Variants in CEBPZ observed in about 807,000 individuals in gnomAD.
CEBPZ encodes the protein CCAAT/enhancer-binding protein zeta.
CEBPZ carries 78 observed loss-of-function variants against 104.5 expected under a neutral mutation model. The observed-to-expected ratio is 0.75, with a 90% CI of 0.62 to 0.90. The LOEUF is 0.90. CEBPZ is among the 40% of genes least tolerant of loss of function. The pLI is 0.00. For synonymous variants in CEBPZ, 470 were observed against 427.0 expected (o/e 1.10, Z -1.24); for missense variants, 1,439 against 1,233.5 (o/e 1.17, Z -2.50).
At chr2:37,224,516 T>C (rs1664840087) in intron 2 of CEBPZ, among the ~76,000 whole-genome samples, 1 of 152,128 alleles carries the variant, frequency 6.6e-6, no homozygotes, top group Non-Finnish European at 1.5e-5. Flanking sequence ...CTTTTGGTAA[T>C]ATTCTGGGAT....
intron 13 of CEBPZ, among the ~76,000 whole-genome samples, chr2:37,208,635 C>T (rs1005774574): frequency 1.3e-5 from 2 of 152,092 alleles, no homozygotes; most frequent in African/African-American, 2.4e-5. Flanking sequence ...ATACAAGGGA[C>T]GTACCTTAAA....
intron 13 of CEBPZ, chr2:37,203,260 T>C (rs1677368751): frequency 3.6e-6 from 1 of 274,422 alleles, no homozygotes; most frequent in East Asian, 6.4e-5. Context: ...ATTTGGCCAC[T>C]GATCGAAGTT....
chr2:37,228,044 A>T lies in CEBPZ; in HGVS notation c.1149T>A (p.Leu383=). 5 of 1,614,184 alleles carry T rather than the reference A, an allele frequency of 3.1e-6. No individual in the cohort carries two copies. The highest frequency in any genetic ancestry group is 4.2e-6 in the Non-Finnish European group (5 of 1,180,014). The part of the protein sequence containing the change: ...LCNKPEEEKA[L]LVQVVNKLGD... ...CCAGTTTATTTACCACTTGCACAAG[A>T]AGAGCCTTTTCTTCCTCAGGCTTGT... is the stretch of plus-strand genomic sequence containing the variant. The change falls in exon 2 of 16, where the codon CTT becomes CTA. Residue 383 remains leucine (L), a synonymous_variant. Transcript: ENST00000234170.
chr2:37,216,889 T>C, intron 6 of CEBPZ, 95 bp downstream of exon 6: 1 of 1,007,588 alleles, frequency 9.9e-7, no homozygotes, highest in South Asian at 1.4e-5. Context: ...TACAAGATTC[T>C]CTCTGTTAGA....
intron 5 of CEBPZ, among the ~76,000 whole-genome samples, chr2:37,217,880 C>T (rs1664664106): frequency 7.5e-6 from 1 of 133,992 alleles, no homozygotes; most frequent in Non-Finnish European, 1.5e-5. Context: ...CTGGCCTAGG[C>T]AACAGAGCAA....
rs780913391 is a variant in CEBPZ, at chr2:37,220,387, T to G, written c.2152A>C (p.Lys718Gln). 5 of 1,519,910 alleles carry G rather than the reference T, an allele frequency of 3.3e-6. No individual in the cohort carries two copies. Among genetic ancestry groups the G allele is most frequent in the Non-Finnish European group, 3.6e-6 (4 of 1,109,188 alleles). The allele number at this position is 1,519,910 out of a possible 1,614,324, so 94.2% of individuals were successfully genotyped here. Residue 718 changes from lysine to glutamine, a missense_variant and splice_region_variant, in exon 5 of 16, where the codon AAG (lysine) becomes CAG (glutamine). Coordinates refer to ENST00000234170, the MANE Select transcript of CEBPZ (RefSeq NM_005760.3). ...AAGACAATTTGAAATTATTTTACCTTTTTGAGTTCCCAAAGACTTGTATTT... is the reference window on the plus strand; with the variant it reads ...AAGACAATTTGAAATTATTTTACCTGTTTGAGTTCCCAAAGACTTGTATTT... ...AENTSLWELKKLSVHFHPSVA... is the reference protein window; with the variant it reads ...AENTSLWELKQLSVHFHPSVA...
chr2:37,231,509 T>C lies in CEBPZ; in HGVS notation c.59A>G (p.Glu20Gly). Residue 20 changes from glutamate to glycine, a missense_variant, in exon 1 of 16, where the codon GAG (glutamate) becomes GGG (glycine). By Grantham distance (98) the Glu-to-Gly change is moderately conservative. Coordinates refer to ENST00000234170, the MANE Select transcript of CEBPZ (RefSeq NM_005760.3). ...CTCCTCGTCCGGATCTTCTACTGCCTCCTCGGGGCGCCAAGGCCGCTTGGC... is the reference window on the plus strand; with the variant it reads ...CTCCTCGTCCGGATCTTCTACTGCCCCCTCGGGGCGCCAAGGCCGCTTGGC... The part of the protein sequence containing the change: ...FHAKRPWRPE[E>G]AVEDPDEEDE... 2 of 1,614,200 alleles carry C rather than the reference T, an allele frequency of 1.2e-6. No individual in the cohort carries two copies. Among genetic ancestry groups the C allele is most frequent in the Non-Finnish European group, 1.7e-6 (2 of 1,180,034 alleles).
intron 13 of CEBPZ, 27 bp downstream of exon 13, chr2:37,210,972 T>G: frequency 6.5e-7 from 1 of 1,534,806 alleles, no homozygotes; most frequent in Non-Finnish European, 8.9e-7. Context: ...ACACTGCTTT[T>G]AAAAGATATT....
rs768001824 is a variant in CEBPZ, at chr2:37,227,575, T to C, written c.1618A>G (p.Ile540Val). ...AATGCTGTGTAATATCGATCCGATA[T>C]TGTCTGCTGAGAATTCATTACTTGG... is the stretch of plus-strand genomic sequence containing the variant. Reference protein sequence around the residue: ...LFQVMNSQQTISDRYYTALYR... With the variant: ...LFQVMNSQQTVSDRYYTALYR... Residue 540 changes from isoleucine (I) to valine (V), a missense_variant, in exon 2 of 16, where the codon ATA becomes GTA. Transcript: ENST00000234170. 3.7e-6 allele frequency: 6 copies of C among 1,613,164 alleles called. No homozygotes were observed. The highest frequency in any genetic ancestry group is 2.2e-5 in the East Asian group (1 of 44,886).
Position 37,216,350 on chromosome 2 carries a change from A to C in CEBPZ, c.2277T>G (p.Phe759Leu). 6.2e-7 allele frequency: 1 copy of C among 1,613,894 alleles called. No homozygotes were observed. Among genetic ancestry groups the C allele is most frequent in the Non-Finnish European group, 8.5e-7 (1 of 1,179,894 alleles). The part of the protein sequence containing the change: ...DFTLMRFLDR[F>L]VYRNPKPHKG... Reference sequence around the variant, plus strand: ...TATGGGGCTTTGGATTTCGGTATACAAATCGATCCAAAAATCTCATTAGAG... The same window carrying C: ...TATGGGGCTTTGGATTTCGGTATACCAATCGATCCAAAAATCTCATTAGAG... Residue 759 changes from phenylalanine (F) to leucine (L), a missense_variant, in exon 7 of 16, where the codon TTT becomes TTG. Physicochemically the swap from Phe to Leu is conservative, Grantham distance 22. Transcript: ENST00000234170.
At chr2:37,204,194 C>A (rs1677431098) in intron 13 of CEBPZ, 2 of 151,782 alleles carry the variant, frequency 1.3e-5, no homozygotes, top group South Asian at 4.2e-4. Flanking sequence ...CTGTACTGTA[C>A]TGGTTTCTTA....
rs761608465 is a variant in CEBPZ at position 37,222,575 on chromosome 2, A to G, written c.1882-12T>C. ...TCATCATCAGACTCCTAACAAAAGT[A>G]TAGTTTCATAAATCTACATAAATCA... On this transcript the variant is annotated splice_polypyrimidine_tract_variant and intron_variant, in intron 3 of 15. Transcript: ENST00000234170. 1.3e-6 allele frequency: 2 copies of G among 1,553,666 alleles called. No homozygotes were observed. The highest frequency in any genetic ancestry group is 4.5e-5 in the East Asian group (2 of 43,968).
At position 37,214,956 on chromosome 2, in the gene CEBPZ, C is replaced by T. The variant is rs746626817; in HGVS notation, c.2381-4G>A. 1.3e-6 allele frequency: 2 copies of T among 1,596,072 alleles called. No individual in the cohort carries two copies. Among genetic ancestry groups the T allele is most frequent in the Middle Eastern group, 1.7e-4 (1 of 6,004 alleles). On this transcript the variant is annotated splice_region_variant and splice_polypyrimidine_tract_variant and intron_variant, in intron 8 of 15. Transcript: ENST00000234170. ...GCAAGGAACTCCTTACTGTTCACTA[C>T]AAAAATAAATTTAAACATTTTAACT...
At chr2:37,221,753 A>C (rs1218401949) in intron 4 of CEBPZ, among the ~76,000 whole-genome samples, 3 of 152,184 alleles carry the variant, frequency 2.0e-5, no homozygotes, top group Non-Finnish European at 4.4e-5. Flanking sequence ...TTTGTAGATG[A>C]ATTAATTTGA....
chr2:37,222,432 T>C lies in CEBPZ; in HGVS notation c.2013A>G (p.Val671=), dbSNP rs763385056. Reference sequence around the variant, plus strand: ...AAGCAACCTCTGGTTTTTTGGTTTCTACATCAGTTTCAGGAACTGTTTCCT... The same window carrying C: ...AAGCAACCTCTGGTTTTTTGGTTTCCACATCAGTTTCAGGAACTGTTTCCT... ...ETEETVPETD[V]ETKKPEVASW... is the part of the protein sequence containing the mutation. The change falls in exon 4 of 16, where the codon GTA becomes GTG. Residue 671 remains valine (V), a synonymous_variant. Coordinates refer to ENST00000234170, the MANE Select transcript of CEBPZ (RefSeq NM_005760.3). The C allele has an allele frequency of 1.9e-6, 3 of 1,605,386 alleles. No individual in the cohort carries two copies. The highest frequency in any genetic ancestry group is 2.5e-6 in the Non-Finnish European group (3 of 1,177,566).
At chr2:37,204,719 CAATT>C (rs1250563652) in intron 13 of CEBPZ, 5 of 152,162 alleles carry the variant, frequency 3.3e-5, no homozygotes, top group South Asian at 2.1e-4. Flanking sequence ...AAATCTGAAT[CAATT>C]AATAAATCTG....
intron 2 of CEBPZ, among the ~76,000 whole-genome samples, chr2:37,226,089 G>A (rs1664881262): frequency 6.6e-6 from 1 of 151,654 alleles, no homozygotes; most frequent in African/African-American, 2.4e-5. Flanking sequence ...CCCCCTCTTC[G>A]AGAAACACCG....
chr2:37,203,104 G>A, intron 13 of CEBPZ, 96 bp from the exon 14 acceptor site: 3 of 792,470 alleles, frequency 3.8e-6, no homozygotes, highest in South Asian at 2.4e-5. Context: ...ATTATACTTG[G>A]GTAAAAACAA....
At position 37,223,115 on chromosome 2, in the gene CEBPZ, A is replaced by G. The variant is rs1664806784; in HGVS notation, c.1881+55T>C. ...CATTTGAAGCAAAGAAAAACAAAAC[A>G]AAAACCAATATATTTCAGCACCCAC... is the stretch of plus-strand genomic sequence containing the variant. On this transcript the variant is annotated intron_variant, in intron 3 of 15. Coordinates refer to ENST00000234170, the MANE Select transcript of CEBPZ (RefSeq NM_005760.3). 35 of 1,445,248 alleles carry G rather than the reference A, an allele frequency of 2.4e-5. 1 individual carries two copies. The South Asian group carries it at 4.2e-4, about 18-fold the overall frequency. 89.5% of individuals were successfully genotyped at this position (1,445,248 alleles called of 1,614,324 possible). A position where few individuals can be genotyped will look rare whatever the true frequency, so the allele number is the denominator to read the frequency against.
Sources: gnomAD v4.1 joint callset for allele counts (sites outside exome capture counted in the v4.1 genomes callset) on GRCh38, gnomAD v4.1.1 for gene constraint, MANE v1.5 for transcripts, NCBI Gene and HGNC (gene_info 2026-07-23, HGNC 2026-07-21) for gene names.